DENND4C: variants seen among roughly 807,000 people sequenced by gnomAD.
The protein encoded by DENND4C is DENN domain-containing protein 4C.
In DENND4C, 108 loss-of-function variants were observed where a neutral mutation model predicts 203.0. The observed-to-expected ratio is 0.53, with a 90% CI of 0.46 to 0.62. DENND4C has a LOEUF of 0.62. Among genes scored for constraint, DENND4C ranks in the 20% least tolerant of loss-of-function variants. The pLI, the probability that DENND4C is intolerant of heterozygous loss-of-function variation, is 0.00. For synonymous variants in DENND4C, 871 were observed against 792.4 expected (o/e 1.10, Z -1.67); for missense variants, 2,481 against 2,301.2 (o/e 1.08, Z -1.60).
chr9:19,336,316 T>G lies in DENND4C; in HGVS notation c.2636T>G (p.Phe879Cys). 6.2e-7 allele frequency: 1 copy of G among 1,614,108 alleles called. No homozygotes were observed. Among genetic ancestry groups the G allele is most frequent in the Non-Finnish European group, 8.5e-7 (1 of 1,179,986 alleles). ...CCTAGCAGTACCCGCAGTGGTATTTTCTTATGGACGAAGGTACGGAATGTG... is the reference window on the plus strand; with the variant it reads ...CCTAGCAGTACCCGCAGTGGTATTTGCTTATGGACGAAGGTACGGAATGTG... Reference protein sequence around the residue: ...PWPSSTRSGIFLWTKVRNVVR... With the variant: ...PWPSSTRSGICLWTKVRNVVR... Residue 879 changes from phenylalanine to cysteine, a missense_variant, in exon 19 of 33, where the codon TTC (phenylalanine) becomes TGC (cysteine). Phe to Cys is a radical substitution (Grantham distance 205, BLOSUM62 -2). Coordinates refer to ENST00000434457, the MANE Select transcript of DENND4C (RefSeq NM_001330640.2).
At chr9:19,284,651 A>G (rs1209145211) in intron 2 of DENND4C, among the ~76,000 whole-genome samples, 1 of 152,146 alleles carries the variant, frequency 6.6e-6, no homozygotes, top group Non-Finnish European at 1.5e-5. Context: ...CACAGAGATT[A>G]ATGGTGTATC....
chr9:19,349,405 C>G (rs112729125), intron 23 of DENND4C, among the ~76,000 whole-genome samples: 2,362 of 152,228 alleles, frequency 0.016, 57 homozygotes, highest in African/African-American at 0.054. Flanking sequence ...CCCTTTCTCC[C>G]TTGCCTCCCC....
At chr9:19,244,221 G>T (rs1490798515) in intron 1 of DENND4C, among the ~76,000 whole-genome samples, 1 of 152,056 alleles carries the variant, frequency 6.6e-6, no homozygotes, top group African/African-American at 2.4e-5. Context: ...AGTAGAGATG[G>T]GATTTTGCCA....
chr9:19,352,005 T>C, intron 24 of DENND4C, 68 bp from the exon 25 acceptor site: 1 of 1,305,454 alleles, frequency 7.7e-7, no homozygotes, highest in Non-Finnish European at 1.1e-6. Flanking sequence ...CCTAAATACT[T>C]TGGCATGCAT....
In DENND4C at chr9:19,296,033, A is replaced by G. The variant is rs775420040; in HGVS notation, c.827A>G (p.Tyr276Cys). 1.2e-6 allele frequency: 2 copies of G among 1,614,074 alleles called. No homozygotes were observed. Among genetic ancestry groups the G allele is most frequent in the Non-Finnish European group, 1.7e-6 (2 of 1,179,932 alleles). The change falls in exon 6 of 33, where the codon TAT becomes TGT. Residue 276 changes from tyrosine to cysteine, a missense_variant. Tyr to Cys is a radical substitution (Grantham distance 194). Coordinates refer to ENST00000434457, the MANE Select transcript of DENND4C (RefSeq NM_001330640.2). Reference sequence around the variant, plus strand: ...GTATATGGAGCTGCCATTCAGTTTTATGAACCTTACTCTCGGGAACTTCTA... The same window carrying G: ...GTATATGGAGCTGCCATTCAGTTTTGTGAACCTTACTCTCGGGAACTTCTA... ...KKVYGAAIQF[Y>C]EPYSRELLSE...
At chr9:19,286,406 C>T (rs1835224699) in intron 2 of DENND4C, among the ~76,000 whole-genome samples, 3 of 152,004 alleles carry the variant, frequency 2.0e-5, no homozygotes, top group Admixed American at 2.0e-4. Context: ...TTTATGAAAA[C>T]ATCTGAATAC....
chr9:19,318,216 G>A (rs1310305597), intron 12 of DENND4C, among the ~76,000 whole-genome samples: 1 of 152,134 alleles, frequency 6.6e-6, no homozygotes, highest in Admixed American at 6.5e-5. Context: ...CTATTCGGGA[G>A]GCTAAGGGAG....
intron 30 of DENND4C, among the ~76,000 whole-genome samples, chr9:19,368,725 A>G (rs942319349): frequency 1.3e-5 from 2 of 152,174 alleles, no homozygotes; most frequent in Non-Finnish European, 2.9e-5. Context: ...GCTTGAGCCC[A>G]GGAGGTCAAG....
chr9:19,299,323 G>A lies in DENND4C; in HGVS notation c.1166+36G>A, dbSNP rs539329881. 1.4e-5 allele frequency: 20 copies of A among 1,402,778 alleles called. No homozygotes were observed. In the South Asian group the frequency reaches 2.5e-4, roughly 17 times the overall value. 86.9% of individuals were successfully genotyped at this position (1,402,778 alleles called of 1,614,324 possible). A position where few individuals can be genotyped will look rare whatever the true frequency, so the allele number is the denominator to read the frequency against. Reference sequence around the variant, plus strand: ...GTATTTAAAATGATATATTTATTCAGTTGGAGCAGAATGCTTTAAAATATT... The same window carrying A: ...GTATTTAAAATGATATATTTATTCAATTGGAGCAGAATGCTTTAAAATATT... On this transcript the variant is annotated intron_variant, in intron 8 of 32. Transcript: ENST00000434457.
intron 1 of DENND4C, among the ~76,000 whole-genome samples, chr9:19,251,703 C>T (rs770943619): frequency 6.6e-6 from 1 of 152,204 alleles, no homozygotes; most frequent in African/African-American, 2.4e-5. Context: ...TCATCTCTCT[C>T]AAGTTCAAAG....
intron 11 of DENND4C, 51 bp downstream of exon 11, chr9:19,316,568 A>AT: frequency 6.2e-7 from 1 of 1,603,034 alleles, no homozygotes; most frequent in Non-Finnish European, 8.5e-7. Context: ...ATACGAGAAA[A>AT]TTCTTCTTAA....
chr9:19,360,584 A>G, intron 29 of DENND4C, 95 bp downstream of exon 29: 1 of 1,485,400 alleles, frequency 6.7e-7, no homozygotes, highest in East Asian at 2.3e-5. Flanking sequence ...GCTTAACAAG[A>G]CAGATTTATT....
intron 1 of DENND4C, among the ~76,000 whole-genome samples, chr9:19,260,055 A>G: frequency 6.6e-6 from 1 of 152,164 alleles, no homozygotes; most frequent in East Asian, 1.9e-4. Context: ...CTCCATAGTT[A>G]CCATACTAGT....
chr9:19,330,599 A>G (rs905543452), intron 16 of DENND4C, among the ~76,000 whole-genome samples: 5 of 151,892 alleles, frequency 3.3e-5, no homozygotes, highest in Admixed American at 6.6e-5. Context: ...CGGCCTCCCA[A>G]AGTGCTGGGA....
At chr9:19,348,317 A>T (rs1823354536) in intron 23 of DENND4C, among the ~76,000 whole-genome samples, 1 of 152,214 alleles carries the variant, frequency 6.6e-6, no homozygotes, top group South Asian at 2.1e-4. Flanking sequence ...CCATGCTCTT[A>T]CCTTAGAAGC....
At chr9:19,340,138 T>G (rs1357129161) in intron 20 of DENND4C, among the ~76,000 whole-genome samples, 1 of 152,208 alleles carries the variant, frequency 6.6e-6, no homozygotes, top group Non-Finnish European at 1.5e-5. Context: ...TCATGGGGAA[T>G]AGATTTTAGA....
intron 20 of DENND4C, 69 bp from the exon 21 acceptor site, chr9:19,340,923 T>TAGCC: frequency 7.3e-7 from 1 of 1,372,584 alleles, no homozygotes. Flanking sequence ...GGAATTTTCT[T>TAGCC]GTGATTTTTA....
chr9:19,249,623 A>G (rs541898283), intron 1 of DENND4C, among the ~76,000 whole-genome samples: 1 of 152,222 alleles, frequency 6.6e-6, no homozygotes, highest in South Asian at 2.1e-4. Flanking sequence ...TAAAATAGTT[A>G]TGAATAATCC....
chr9:19,360,307 C>G lies in DENND4C; in HGVS notation c.5224C>G (p.Leu1742Val). ...TGTGCCCTACTTGAGTCCTCTAGTA[C>G]TCCGTAAAGAACTTGAATCTTTGCT... ...VSVPYLSPLV[L>V]RKELESLLEN... The change falls in exon 29 of 33, where the codon CTC becomes GTC. Residue 1742 changes from leucine (L) to valine (V), a missense_variant. Coordinates refer to ENST00000434457, the MANE Select transcript of DENND4C (RefSeq NM_001330640.2). 6.2e-7 allele frequency: 1 copy of G among 1,613,842 alleles called. No homozygotes were observed. Among genetic ancestry groups the G allele is most frequent in the South Asian group, 1.1e-5 (1 of 91,072 alleles).
Sources: allele counts gnomAD v4.1 joint callset (sites outside exome capture counted in the v4.1 genomes callset), GRCh38; gene constraint gnomAD v4.1.1; transcripts MANE v1.5; gene names NCBI Gene and HGNC (gene_info 2026-07-23, HGNC 2026-07-21).